The following PALM2AKAP2 variants were observed in gnomAD, a reference collection of about 807,000 sequenced individuals.
PALM2AKAP2 encodes the protein PALM2 and AKAP2 fusion.
In PALM2AKAP2, 37 loss-of-function variants were observed where a neutral mutation model predicts 71.5. The observed-to-expected ratio is 0.52, with a 90% confidence interval of 0.40 to 0.68. The LOEUF is 0.68. Ranked by LOEUF, PALM2AKAP2 falls within the 30% of genes least tolerant of loss-of-function variation. The pLI, the probability that PALM2AKAP2 is intolerant of heterozygous loss-of-function variation, is 0.00. For missense variants in PALM2AKAP2, 1,224 were observed against 1,191.8 expected (o/e 1.03, Z -0.40); for synonymous variants, 468 against 478.8 (o/e 0.98, Z 0.29).
At chr9:109,685,438 T>A (rs1361457233) in intron 1 of PALM2AKAP2, among the ~76,000 whole-genome samples, 2 of 152,180 alleles carry the variant, frequency 1.3e-5, no homozygotes, top group Non-Finnish European at 1.5e-5. Flanking sequence ...ATAAAGCAAG[T>A]CACACAAGTT....
intron 3 of PALM2AKAP2, among the ~76,000 whole-genome samples, chr9:109,900,659 C>T (rs918672825): frequency 1.3e-5 from 2 of 152,172 alleles, no homozygotes; most frequent in Non-Finnish European, 2.9e-5. Context: ...AGTCATTACC[C>T]TCACAAGACC....
intron 1 of PALM2AKAP2, among the ~76,000 whole-genome samples, chr9:109,700,833 C>CAACATATT (rs1828043650): frequency 1.2e-4 from 19 of 152,308 alleles, no homozygotes; most frequent in Admixed American, 1.2e-3. Flanking sequence ...TTTTTCACCA[C>CAACATATT]TCTCTTATGT....
rs141971981 is a variant in PALM2AKAP2 at position 110,137,539 on chromosome 9, T to G, written c.1569T>G (p.Asp523Glu). 3.8e-4 allele frequency: 621 copies of G among 1,614,116 alleles called. 7 individuals are homozygous for G. In the African/African-American group the frequency reaches 6.5e-3, roughly 17 times the overall value. Reference sequence around the variant, plus strand: ...CCTTATCTAAACTGTGGGCTGAGGATGGAGAATTTACGAGCGCCCGGGCTG... The same window carrying G: ...CCTTATCTAAACTGTGGGCTGAGGAGGGAGAATTTACGAGCGCCCGGGCTG... The change falls in exon 2 of 4, where the codon GAT (aspartate) becomes GAG (glutamate). Residue 523 changes from aspartate to glutamate, a missense_variant. Coordinates refer to ENST00000374525, the Ensembl canonical transcript of PALM2AKAP2.
At chr9:109,915,631 G>T (rs933634409) in intron 3 of PALM2AKAP2, among the ~76,000 whole-genome samples, 1 of 152,050 alleles carries the variant, frequency 6.6e-6, no homozygotes, top group African/African-American at 2.4e-5. Context: ...TACTTCATGG[G>T]ATATTGTGAA....
chr9:110,149,957 C>T (rs1218856895), intron 2 of PALM2AKAP2, among the ~76,000 whole-genome samples: 1 of 152,112 alleles, frequency 6.6e-6, no homozygotes, highest in Admixed American at 6.5e-5. Context: ...GGATTGAGAC[C>T]AGCCTGGTCT....
intron 1 of PALM2AKAP2, among the ~76,000 whole-genome samples, chr9:110,084,696 G>A (rs188076380): frequency 2.6e-5 from 4 of 152,112 alleles, no homozygotes; most frequent in African/African-American, 4.8e-5. Flanking sequence ...AAGTCTGTGG[G>A]TGTTCACTAC....
At chr9:109,956,353 AAT>A (rs1175689686) in intron 6 of PALM2AKAP2, among the ~76,000 whole-genome samples, 1 of 152,196 alleles carries the variant, frequency 6.6e-6, no homozygotes, top group Non-Finnish European at 1.5e-5. Context: ...AATTAAAAAA[AAT>A]ATTTCCAAGT....
upstream of PALM2AKAP2, chr9:109,780,256 G>C (rs1829416556): frequency 3.5e-6 from 4 of 1,151,658 alleles, no homozygotes; most frequent in Non-Finnish European, 4.3e-6. Flanking sequence ...TGCAGTGAGC[G>C]GCGGCGCTGG....
At chr9:110,063,669 C>G (rs991762872) in intron 1 of PALM2AKAP2, among the ~76,000 whole-genome samples, 6 of 152,178 alleles carry the variant, frequency 3.9e-5, no homozygotes, top group South Asian at 4.1e-4. Flanking sequence ...GTCTTAAACT[C>G]CTGACCTCAA....
chr9:110,166,534 G>T (rs1033872866), intron 3 of PALM2AKAP2, among the ~76,000 whole-genome samples: 1 of 152,178 alleles, frequency 6.6e-6, no homozygotes, highest in Non-Finnish European at 1.5e-5. Context: ...TAACTATACA[G>T]ATTTGGAAGC....
chr9:110,121,722 T>G (rs28673466), intron 1 of PALM2AKAP2, among the ~76,000 whole-genome samples: 1 of 152,168 alleles, frequency 6.6e-6, no homozygotes, highest in Admixed American at 6.5e-5. Context: ...GTTAAAGAGA[T>G]AAAGTTCTGA....
intron 1 of PALM2AKAP2, among the ~76,000 whole-genome samples, chr9:109,650,355 T>C (rs935957599): frequency 1.3e-5 from 2 of 150,704 alleles, no homozygotes; most frequent in Non-Finnish European, 3.0e-5. Context: ...AGATAATTCT[T>C]ATAGCTTGTG....
At chr9:110,093,149 A>G (rs575081580) in intron 1 of PALM2AKAP2, among the ~76,000 whole-genome samples, 1 of 152,352 alleles carries the variant, frequency 6.6e-6, no homozygotes, top group East Asian at 1.9e-4. Context: ...CCATGTAGCC[A>G]GTTGTTGTCT....
Position 109,821,306 on chromosome 9 carries a change from A to G in PALM2AKAP2, c.45+40773A>G, listed in dbSNP as rs547880084. The stretch of plus-strand genomic sequence containing the variant: ...TGTAACAAACCTGCACATTGTACAC[A>G]TGTACCCTAGAACTGAAATTATAAT... On this transcript the variant is annotated intron_variant, in intron 1 of 9. Coordinates refer to the PALM2AKAP2 transcript ENST00000302798. Among the ~76,000 whole-genome samples the G allele has an allele frequency of 2.6e-5, 4 of 152,344 alleles. No homozygotes were observed. The South Asian group carries it at 8.3e-4, about 32-fold the overall frequency.
chr9:109,703,718 A>G (rs991330940), intron 1 of PALM2AKAP2, among the ~76,000 whole-genome samples: 3 of 146,166 alleles, frequency 2.1e-5, no homozygotes, highest in African/African-American at 7.3e-5. Flanking sequence ...CTGCAGTGTG[A>G]TTGTGTTTCA....
chr9:109,742,545 T>A (rs940543774), intron 1 of PALM2AKAP2, among the ~76,000 whole-genome samples: 1 of 152,224 alleles, frequency 6.6e-6, no homozygotes, highest in African/African-American at 2.4e-5. Context: ...TGTGATGTTC[T>A]CTTTGTCAAA....
At chr9:110,113,217 C>CTTTTTG (rs891459587) in intron 1 of PALM2AKAP2, among the ~76,000 whole-genome samples, 1 of 149,310 alleles carries the variant, frequency 6.7e-6, no homozygotes, top group East Asian at 2.0e-4. Context: ...TGTTGTTTGT[C>CTTTTTG]TTTTTGTTTT....
chr9:110,006,366 CT>C (rs1832786137), intron 6 of PALM2AKAP2, among the ~76,000 whole-genome samples: 1 of 131,016 alleles, frequency 7.6e-6, no homozygotes, highest in African/African-American at 2.9e-5. Flanking sequence ...TTCTTTCTTT[CT>C]TTCTTCTCTC....
intron 1 of PALM2AKAP2, among the ~76,000 whole-genome samples, chr9:109,693,417 T>A (rs1827925938): frequency 6.6e-6 from 1 of 151,936 alleles, no homozygotes; most frequent in Non-Finnish European, 1.5e-5. Flanking sequence ...TGTAATTGAT[T>A]TGCTTTATTT....
Sources: gnomAD v4.1 joint callset for allele counts (sites outside exome capture counted in the v4.1 genomes callset) on GRCh38, gnomAD v4.1.1 for gene constraint, MANE v1.5 for transcripts, NCBI Gene and HGNC (gene_info 2026-07-23, HGNC 2026-07-21) for gene names.